Variants in HMBOX1 observed in about 807,000 individuals in gnomAD.
HMBOX1 encodes homeobox containing 1.
A neutral mutation model predicts 54.5 loss-of-function variants in HMBOX1; 14 were observed. The ratio of observed to expected loss-of-function variants is 0.26; its 90% CI spans 0.17 to 0.40. The LOEUF is 0.40. Ranked by LOEUF, HMBOX1 falls within the 10% of genes least tolerant of loss-of-function variation. The pLI, the probability that HMBOX1 is intolerant of heterozygous loss-of-function variation, is 1.00. For synonymous variants in HMBOX1, 160 were observed against 181.0 expected (o/e 0.88, Z 0.93); for missense variants, 332 against 514.4 (o/e 0.65, Z 3.43).
At chr8:29,021,821 C>T (rs1354059305) in intron 6 of HMBOX1, among the ~76,000 whole-genome samples, 2 of 147,712 alleles carry the variant, frequency 1.4e-5, no homozygotes, top group Non-Finnish European at 3.0e-5. Flanking sequence ...GATCGTGCCA[C>T]TGCACTCGAG....
At chr8:28,960,594 T>C (rs1825292069) in intron 1 of HMBOX1, among the ~76,000 whole-genome samples, 1 of 151,678 alleles carries the variant, frequency 6.6e-6, no homozygotes, top group Non-Finnish European at 1.5e-5. Flanking sequence ...TTCTAAAAGG[T>C]ATACTGAAAT....
intron 4 of HMBOX1, among the ~76,000 whole-genome samples, chr8:28,990,392 T>C (rs1437060867): frequency 2.6e-5 from 4 of 152,178 alleles, no homozygotes; most frequent in Non-Finnish European, 5.9e-5. Flanking sequence ...TTTATCATGA[T>C]AGATGTTGTA....
intron 9 of HMBOX1, 23 bp from the exon 10 acceptor site, chr8:29,050,995 A>G: frequency 6.2e-7 from 1 of 1,600,890 alleles, no homozygotes; most frequent in Non-Finnish European, 8.5e-7. Context: ...CACTAATAAC[A>G]TTTCTTATTT....
At chr8:28,938,441 A>G (rs1357385020) in intron 1 of HMBOX1, among the ~76,000 whole-genome samples, 1 of 151,624 alleles carries the variant, frequency 6.6e-6, no homozygotes, top group African/African-American at 2.4e-5. Context: ...TTTTTTTGTT[A>G]TTTTTAGTTT....
chr8:29,004,849 T>G (rs1833194147), intron 4 of HMBOX1, among the ~76,000 whole-genome samples: 1 of 152,134 alleles, frequency 6.6e-6, no homozygotes, highest in Non-Finnish European at 1.5e-5. Flanking sequence ...CCAGGGCTTA[T>G]GAGACCGTGT....
At position 28,979,647 on chromosome 8, in the gene HMBOX1, A is replaced by G. The variant is rs529091884; in HGVS notation, c.501-424A>G. Among the ~76,000 whole-genome samples, 26 of 152,320 alleles carry G rather than the reference A, an allele frequency of 1.7e-4. 1 individual carries two copies. In the South Asian group the frequency reaches 5.4e-3, roughly 32 times the overall value. ...ACATTATTCATGCAGTTGTGTAGTT[A>G]ACATGCGAGCCCACAATCTGCTCAC... On this transcript the variant is annotated intron_variant, in intron 3 of 9. Transcript: ENST00000287701.
At position 28,925,309 on chromosome 8, in the gene HMBOX1, G is replaced by T. The variant is rs566295133; in HGVS notation, c.-58+34631G>T. 1.6e-4 allele frequency among the ~76,000 whole-genome samples: 25 copies of T among 152,210 alleles called. No individual in the cohort carries two copies. The South Asian group carries it at 5.2e-3, about 32-fold the overall frequency. ...CTCCTGAATAAGAATACTTTAAAGG[G>T]AGAATAACCCAAGGTTTGCATCTGA... On this transcript the variant is annotated intron_variant, in intron 1 of 9. Transcript: ENST00000287701.
In HMBOX1 at chr8:29,050,300, G is replaced by A. The variant is rs1421149515; in HGVS notation, c.1126-718G>A. On this transcript the variant is annotated intron_variant, in intron 9 of 9. Transcript: ENST00000287701. ...TGTAACACCATCTTCAGTGCCTGAC[G>A]TACATCCTGCAATGCCAGCTTCCTT... The A allele has an allele frequency of 1.4e-5, 11 of 796,588 alleles. No individual in the cohort carries two copies. In the South Asian group the frequency reaches 1.7e-4, roughly 12 times the overall value. 49.3% of individuals were successfully genotyped at this position (796,588 alleles called of 1,614,324 possible). A position where few individuals can be genotyped will look rare whatever the true frequency, so the allele number is the denominator to read the frequency against.
intron 1 of HMBOX1, among the ~76,000 whole-genome samples, chr8:28,951,548 A>G (rs1470901406): frequency 3.3e-5 from 5 of 152,190 alleles, no homozygotes; most frequent in Non-Finnish European, 5.9e-5. Flanking sequence ...ATTTTGTTTA[A>G]CAACAACAAC....
At chr8:28,896,041 A>G (rs1812039302) in intron 1 of HMBOX1, among the ~76,000 whole-genome samples, 1 of 152,212 alleles carries the variant, frequency 6.6e-6, no homozygotes, top group Admixed American at 6.5e-5. Flanking sequence ...ATTGAGAGTC[A>G]TACCACCTGT....
At chr8:29,047,655 C>CAG (rs1805792897) in intron 8 of HMBOX1, among the ~76,000 whole-genome samples, 1 of 150,792 alleles carries the variant, frequency 6.6e-6, no homozygotes, top group South Asian at 2.1e-4. Context: ...GCAACCTCTG[C>CAG]CTCCTGGGTT....
intron 1 of HMBOX1, among the ~76,000 whole-genome samples, chr8:28,892,916 A>T (rs952198369): frequency 1.3e-5 from 2 of 152,102 alleles, no homozygotes; most frequent in African/African-American, 4.8e-5. Flanking sequence ...TACTTAACGG[A>T]GTGTTTTGTT....
At chr8:29,009,920 A>G (rs1251590843) in intron 5 of HMBOX1, 11 of 1,110,860 alleles carry the variant, frequency 9.9e-6, no homozygotes, top group Non-Finnish European at 1.2e-5. Context: ...TAAATTTAAG[A>G]TTGGGTTGCG....
rs538022743 is a variant in HMBOX1 at position 28,983,856 on chromosome 8, TG to T, written c.586+3704del. ...CTACTTCAGTTGTTTATATCAGGCCTGGGGAATGAGGATGATTGATAACCAT... is the reference window on the plus strand; with the variant it reads ...CTACTTCAGTTGTTTATATCAGGCCTGGGAATGAGGATGATTGATAACCAT... On this transcript the variant is annotated intron_variant, in intron 4 of 9. Transcript: ENST00000287701. Among the ~76,000 whole-genome samples, 451 of 152,332 alleles carry T rather than the reference TG, an allele frequency of 3.0e-3. 8 individuals carry two copies. The highest frequency in any genetic ancestry group is 0.01 in the African/African-American group (433 of 41,572).
chr8:29,045,591 C>T (rs1805458669), intron 7 of HMBOX1, 148 bp downstream of exon 7: 6 of 622,622 alleles, frequency 9.6e-6, no homozygotes, highest in East Asian at 2.7e-5. Flanking sequence ...AGTGCCCTGT[C>T]CTGCTCACAC....
At chr8:28,964,643 T>G (rs1826142060) in intron 2 of HMBOX1, among the ~76,000 whole-genome samples, 2 of 152,160 alleles carry the variant, frequency 1.3e-5, no homozygotes, top group Non-Finnish European at 2.9e-5. Context: ...TTCCTTCCGT[T>G]TTGGTTGACA....
rs1195227022 is a variant in HMBOX1, at chr8:28,958,363, T to G, written c.-57-5448T>G. 3.9e-5 allele frequency among the ~76,000 whole-genome samples: 6 copies of G among 152,230 alleles called. No individual in the cohort carries two copies. The East Asian group carries it at 1.2e-3, about 29-fold the overall frequency. ...GATATTTTTCTCTTTTATTCCAATATTTTTGCCAGTTAATTCTTTTCTGTC... is the reference window on the plus strand; with the variant it reads ...GATATTTTTCTCTTTTATTCCAATAGTTTTGCCAGTTAATTCTTTTCTGTC... On this transcript the variant is annotated intron_variant, in intron 1 of 9. Coordinates refer to ENST00000287701, the MANE Select transcript of HMBOX1 (RefSeq NM_001135726.3).
At chr8:29,011,079 A>G (rs964207278) in intron 5 of HMBOX1, among the ~76,000 whole-genome samples, 2 of 152,218 alleles carry the variant, frequency 1.3e-5, no homozygotes, top group African/African-American at 4.8e-5. Flanking sequence ...AATGGCAGCA[A>G]TTTATTTTGA....
rs537492875 is a variant in HMBOX1 at position 28,892,839 on chromosome 8, T to G, written c.-58+2161T>G. On this transcript the variant is annotated intron_variant, in intron 1 of 9. Coordinates refer to ENST00000287701, the MANE Select transcript of HMBOX1 (RefSeq NM_001135726.3). ...GATAGACCAGGATTTTCAGAATCAT[T>G]TGTTTTAAGCTTGTATCTTAACTTG... 9.2e-5 allele frequency among the ~76,000 whole-genome samples: 14 copies of G among 152,328 alleles called. No individual in the cohort carries two copies. The South Asian group carries it at 2.9e-3, about 32-fold the overall frequency.
Sources: allele counts gnomAD v4.1 joint callset (sites outside exome capture counted in the v4.1 genomes callset), GRCh38; gene constraint gnomAD v4.1.1; transcripts MANE v1.5; gene names NCBI Gene and HGNC (gene_info 2026-07-23, HGNC 2026-07-21).